TYW1: variants seen among roughly 807,000 people sequenced by gnomAD.
TYW1 encodes the protein S-adenosyl-L-methionine-dependent tRNA 4-demethylwyosine synthase TYW1.
In TYW1, 46 loss-of-function variants were observed where a neutral mutation model predicts 96.2. The ratio of observed to expected loss-of-function variants is 0.48; its 90% CI spans 0.38 to 0.61. The LOEUF (loss-of-function observed/expected upper bound fraction) is 0.61. Among genes scored for constraint, TYW1 ranks in the 20% least tolerant of loss-of-function variants. The pLI is 0.00. For missense variants in TYW1, 684 were observed against 909.6 expected, an observed-to-expected ratio of 0.75 and a Z score of 3.19; for synonymous variants, 274 against 323.0, an observed-to-expected ratio of 0.85 and a Z score of 1.63.
At chr7:67,187,052 ATTTTTTTTTTTTTTTT>A (rs750086247) in intron 14 of TYW1, among the ~76,000 whole-genome samples, 1 of 100,898 alleles carries the variant, frequency 9.9e-6, no homozygotes, top group Non-Finnish European at 2.1e-5. Flanking sequence ...CCACAATTAA[ATTTTTTTTTTTTTTTT>A]TTTTTTTTTT....
intron 15 of TYW1, among the ~76,000 whole-genome samples, chr7:67,211,204 C>G (rs1264023547): frequency 1.6e-5 from 2 of 128,540 alleles, no homozygotes; most frequent in East Asian, 2.0e-4. Flanking sequence ...TGAGCACTTT[C>G]TTTCTGGCAC....
At chr7:67,119,538 C>G (rs1797698386) in intron 13 of TYW1, among the ~76,000 whole-genome samples, 1 of 152,192 alleles carries the variant, frequency 6.6e-6, no homozygotes, top group African/African-American at 2.4e-5. Flanking sequence ...AAGGAATGTT[C>G]TTTCTTTCCA....
chr7:67,003,689 A>T (rs1254896346), intron 3 of TYW1, among the ~76,000 whole-genome samples: 2 of 152,324 alleles, frequency 1.3e-5, no homozygotes, highest in East Asian at 3.9e-4. Flanking sequence ...TTTTTGTGTA[A>T]GGTTGCACTG....
chr7:67,014,469 A>G lies in TYW1; in HGVS notation c.478A>G (p.Ile160Val), dbSNP rs776026503. Residue 160 changes from isoleucine (I) to valine (V), a missense_variant, in exon 5 of 16, where the codon ATT becomes GTT. Transcript: ENST00000359626. ...WFCKWLEEAS[I>V]DFRFGKTYLK... ...CTGCAAATGGTTAGAGGAAGCATCC[A>G]TTGATTTTCGATTTGGCAAAACTTA... The G allele has an allele frequency of 1.2e-6, 2 of 1,613,980 alleles. No homozygotes were observed. The highest frequency in any genetic ancestry group is 4.5e-5 in the East Asian group (2 of 44,884).
chr7:67,190,968 T>C (rs62464998), intron 14 of TYW1, among the ~76,000 whole-genome samples: 1 of 152,294 alleles, frequency 6.6e-6, no homozygotes, highest in South Asian at 2.1e-4. Context: ...GAAGACTTTA[T>C]GGCCCCATCT....
At chr7:67,191,440 G>C (rs1431987904) in intron 14 of TYW1, among the ~76,000 whole-genome samples, 1 of 152,042 alleles carries the variant, frequency 6.6e-6, no homozygotes, top group African/African-American at 2.4e-5. Context: ...AGATTCTGGT[G>C]TGAGTGACTT....
At chr7:67,066,028 CACACCCACA>C (rs1795854113) in intron 9 of TYW1, among the ~76,000 whole-genome samples, 1 of 110,088 alleles carries the variant, frequency 9.1e-6, no homozygotes, top group Admixed American at 1.1e-4. Context: ...CACACACACA[CACACCCACA>C]CCCCTATACA....
rs561439265 is a variant in TYW1 at position 67,239,294 on chromosome 7, C to T, written c.*765C>T. The stretch of plus-strand genomic sequence containing the variant: ...CTGAAGAGGATCATTTCTTTTTGTT[C>T]GTGAGGTCACTGTCCAGGCCTCTCA... On this transcript the variant is annotated 3_prime_UTR_variant, in exon 16 of 16. Coordinates refer to ENST00000359626, the MANE Select transcript of TYW1 (RefSeq NM_018264.4). The T allele has an allele frequency of 1.0e-4, 99 of 985,288 alleles. No homozygotes were observed. The highest frequency in any genetic ancestry group is 1.8e-4 in the Admixed American group (3 of 16,254). 61.0% of individuals were successfully genotyped at this position (985,288 alleles called of 1,614,324 possible).
At chr7:67,180,688 G>C (rs942490058) in intron 13 of TYW1, among the ~76,000 whole-genome samples, 1 of 150,144 alleles carries the variant, frequency 6.7e-6, no homozygotes, top group Admixed American at 6.6e-5. Context: ...TGTTGCCCAG[G>C]CTGGAGTGCA....
chr7:67,176,967 C>A (rs1487945094), intron 13 of TYW1, among the ~76,000 whole-genome samples: 1 of 152,000 alleles, frequency 6.6e-6, no homozygotes, highest in Non-Finnish European at 1.5e-5. Context: ...TGCTAATTGT[C>A]CCCTGCGGTG....
intron 11 of TYW1, among the ~76,000 whole-genome samples, chr7:67,084,858 G>A (rs998075517): frequency 9.2e-5 from 14 of 152,134 alleles, no homozygotes; most frequent in African/African-American, 2.4e-5. Flanking sequence ...TGTTCAACTG[G>A]GGACCATGCT....
intron 10 of TYW1, among the ~76,000 whole-genome samples, chr7:67,080,693 C>G (rs1324713837): frequency 6.6e-6 from 1 of 152,142 alleles, no homozygotes; most frequent in East Asian, 1.9e-4. Context: ...GCCACCACAC[C>G]CAGCTGCTTT....
intron 6 of TYW1, 53 bp downstream of exon 6, chr7:67,018,196 C>G (rs1794095311): frequency 6.4e-7 from 1 of 1,573,924 alleles, no homozygotes; most frequent in Non-Finnish European, 8.6e-7. Flanking sequence ...GCTTGGAGAT[C>G]TCGAGCTTGA....
chr7:67,049,509 C>T (rs1346962380), intron 7 of TYW1, among the ~76,000 whole-genome samples: 1 of 151,996 alleles, frequency 6.6e-6, no homozygotes, highest in Non-Finnish European at 1.5e-5. Context: ...GGCCATGGTT[C>T]ATAACAGCCC....
Position 67,158,082 on chromosome 7 carries a change from A to ATTTTTTTTT in TYW1, c.1699-25028_1699-25020dup, listed in dbSNP as rs560215948. Reference sequence around the variant, plus strand: ...CCTCTTAATTCCTTGTTTGCTGAGGATTTTTTTTTTTTTTTTTTTTTTTTG... The same window carrying ATTTTTTTTT: ...CCTCTTAATTCCTTGTTTGCTGAGGATTTTTTTTTTTTTTTTTTTTTTTTTTTTTTTTTG... On this transcript the variant is annotated intron_variant, in intron 13 of 15. Coordinates refer to ENST00000359626, the MANE Select transcript of TYW1 (RefSeq NM_018264.4). 4.4e-4 allele frequency among the ~76,000 whole-genome samples: 45 copies of ATTTTTTTTT among 102,164 alleles called. 1 individual carries two copies. The highest frequency in any genetic ancestry group is 2.1e-3 in the East Asian group (6 of 2,904). The allele number at this position is 102,164 out of a possible 152,430, so 67.0% of individuals were successfully genotyped here. A position where few individuals can be genotyped will look rare whatever the true frequency, so the allele number is the denominator to read the frequency against.
At chr7:67,099,415 C>A in intron 12 of TYW1, among the ~76,000 whole-genome samples, 1 of 152,046 alleles carries the variant, frequency 6.6e-6, no homozygotes, top group Non-Finnish European at 1.5e-5. Context: ...CTGAGAAAGA[C>A]GTGGAGTTGG....
intron 7 of TYW1, among the ~76,000 whole-genome samples, chr7:67,026,442 G>A (rs1251305084): frequency 6.6e-6 from 1 of 152,130 alleles, no homozygotes; most frequent in Admixed American, 6.6e-5. Flanking sequence ...TTCCTGAATG[G>A]CATCAAAGTG....
intron 15 of TYW1, among the ~76,000 whole-genome samples, chr7:67,207,020 A>G (rs1800822686): frequency 6.6e-6 from 1 of 152,228 alleles, no homozygotes; most frequent in East Asian, 1.9e-4. Context: ...TTATTTGCTC[A>G]AGGTATTTCT....
At chr7:67,092,122 A>G (rs1324009647) in intron 11 of TYW1, among the ~76,000 whole-genome samples, 1 of 152,156 alleles carries the variant, frequency 6.6e-6, no homozygotes, top group African/African-American at 2.4e-5. Flanking sequence ...GGAGCCAAAC[A>G]CTTTGTAGAA....
Sources: gnomAD v4.1 joint callset for allele counts (sites outside exome capture counted in the v4.1 genomes callset) on GRCh38, gnomAD v4.1.1 for gene constraint, MANE v1.5 for transcripts, NCBI Gene and HGNC (gene_info 2026-07-23, HGNC 2026-07-21) for gene names.